The following SPATA16 variants were observed in gnomAD, a reference collection of about 807,000 sequenced individuals.
SPATA16 encodes spermatogenesis associated 16, also known as spermatogenesis-associated protein 16.
Under a neutral mutation model 63.3 loss-of-function variants are expected in SPATA16, and 36 were observed. That is an observed-to-expected ratio of 0.57 (90% CI 0.44 to 0.75). SPATA16 has a LOEUF of 0.75. Ranked by LOEUF, SPATA16 falls within the 30% of genes least tolerant of loss-of-function variation. SPATA16 has a pLI of 0.00. For synonymous variants in SPATA16, 203 were observed against 216.7 expected (o/e 0.94, Z 0.56); for missense variants, 646 against 679.3 (o/e 0.95, Z 0.54).
chr3:173,085,412 A>C (rs59480691), intron 2 of SPATA16, among the ~76,000 whole-genome samples: 21,532 of 152,030 alleles, frequency 0.14, 1,548 homozygotes, highest in East Asian at 0.25. Flanking sequence ...GAATTTTTGG[A>C]TTGAGATGAT....
intron 8 of SPATA16, among the ~76,000 whole-genome samples, chr3:172,917,040 G>T (rs977848321): frequency 6.6e-6 from 1 of 152,044 alleles, no homozygotes; most frequent in Admixed American, 6.6e-5. Flanking sequence ...TTTTTGACTA[G>T]CTTCCCTCTG....
intron 5 of SPATA16, among the ~76,000 whole-genome samples, chr3:172,974,899 T>C (rs1577114074): frequency 6.6e-6 from 1 of 152,126 alleles, no homozygotes; most frequent in East Asian, 1.9e-4. Context: ...AAATCAGACC[T>C]GACTTCTAGA....
intron 2 of SPATA16, among the ~76,000 whole-genome samples, chr3:173,115,970 G>T (rs960731270): frequency 2.0e-5 from 3 of 150,972 alleles, no homozygotes; most frequent in Admixed American, 6.6e-5. Context: ...ATAGCACACT[G>T]CACTCTCGAC....
chr3:172,962,703 A>G (rs982945832), intron 5 of SPATA16, among the ~76,000 whole-genome samples: 11 of 151,990 alleles, frequency 7.2e-5, no homozygotes, highest in African/African-American at 2.7e-4. Context: ...TTATTGTTTT[A>G]TTTTCAGAGT....
intron 10 of SPATA16, among the ~76,000 whole-genome samples, chr3:172,897,919 G>T (rs1732041812): frequency 6.6e-6 from 1 of 151,902 alleles, no homozygotes; most frequent in African/African-American, 2.4e-5. Context: ...ACAATTTGAG[G>T]AGGTTCCTCT....
chr3:172,915,432 G>A (rs562628756), intron 9 of SPATA16, among the ~76,000 whole-genome samples: 9 of 152,168 alleles, frequency 5.9e-5, no homozygotes, highest in African/African-American at 2.2e-4. Flanking sequence ...GAAAATTACA[G>A]GTAATCAGTT....
chr3:172,914,172 G>A (rs1010208297), intron 9 of SPATA16, among the ~76,000 whole-genome samples: 4 of 152,200 alleles, frequency 2.6e-5, no homozygotes, highest in African/African-American at 9.6e-5. Flanking sequence ...CAATTATGCT[G>A]TTTTATTGCC....
intron 4 of SPATA16, among the ~76,000 whole-genome samples, chr3:173,018,677 A>G (rs972285979): frequency 1.3e-5 from 2 of 152,182 alleles, no homozygotes; most frequent in African/African-American, 2.4e-5. Context: ...TAGGCACCCC[A>G]TCTCGATTCC....
At chr3:173,118,508 A>C (rs1041268781) in intron 1 of SPATA16, among the ~76,000 whole-genome samples, 1 of 152,176 alleles carries the variant, frequency 6.6e-6, no homozygotes, top group East Asian at 1.9e-4. Flanking sequence ...TCTGCATGCT[A>C]TGTGCTTCTA....
At chr3:173,023,905 T>TTA (rs1170931245) in intron 3 of SPATA16, among the ~76,000 whole-genome samples, 3 of 150,804 alleles carry the variant, frequency 2.0e-5, no homozygotes, top group Non-Finnish European at 4.4e-5. Context: ...AGCTTAAGAA[T>TTA]TATATAAAAT....
At chr3:172,904,508 G>A (rs1383933938) in intron 10 of SPATA16, among the ~76,000 whole-genome samples, 1 of 152,166 alleles carries the variant, frequency 6.6e-6, no homozygotes, top group Admixed American at 6.5e-5. Flanking sequence ...TTCTGCTGCA[G>A]AGGTTTCCTG....
intron 5 of SPATA16, among the ~76,000 whole-genome samples, chr3:172,961,194 T>C (rs1733777723): frequency 6.6e-6 from 1 of 151,840 alleles, no homozygotes; most frequent in Non-Finnish European, 1.5e-5. Flanking sequence ...GAAAGTGGTT[T>C]ACTAAGAATC....
intron 4 of SPATA16, among the ~76,000 whole-genome samples, chr3:173,018,040 T>A (rs772934308): frequency 2.0e-5 from 3 of 152,110 alleles, no homozygotes; most frequent in Admixed American, 6.5e-5. Flanking sequence ...ATAAAACACA[T>A]TGCAGAAATA....
At chr3:172,983,211 A>G (rs986918817) in intron 4 of SPATA16, among the ~76,000 whole-genome samples, 1 of 152,104 alleles carries the variant, frequency 6.6e-6, no homozygotes, top group African/African-American at 2.4e-5. Context: ...ATGCAACCCA[A>G]CTACACCGTA....
At chr3:172,920,333 T>C (rs1036379488) in intron 8 of SPATA16, among the ~76,000 whole-genome samples, 3 of 152,180 alleles carry the variant, frequency 2.0e-5, no homozygotes, top group African/African-American at 7.2e-5. Context: ...AGTTCCAAAG[T>C]AGAAATTTCT....
intron 6 of SPATA16, among the ~76,000 whole-genome samples, chr3:172,955,366 G>A (rs1465250498): frequency 6.6e-6 from 1 of 152,060 alleles, no homozygotes; most frequent in Non-Finnish European, 1.5e-5. Flanking sequence ...ACTTTTATGT[G>A]CTGCTAGCAT....
At chr3:173,130,358 CAAAA>C (rs1202660573) in intron 1 of SPATA16, among the ~76,000 whole-genome samples, 2,280 of 39,578 alleles carry the variant, frequency 0.058, 29 homozygotes, top group African/African-American at 0.15. Flanking sequence ...GACTTCGTCT[CAAAA>C]AAAAAAAAAA....
chr3:173,023,137 A>ATGTGTT (rs1553794209), intron 3 of SPATA16, among the ~76,000 whole-genome samples: 17,819 of 139,888 alleles, frequency 0.13, 1,099 homozygotes, highest in Admixed American at 0.14. Context: ...ATGCTTGTGT[A>ATGTGTT]TGTGTGTGTG....
chr3:173,078,504 A>G (rs1197709185), intron 2 of SPATA16, among the ~76,000 whole-genome samples: 1 of 152,206 alleles, frequency 6.6e-6, no homozygotes, highest in Non-Finnish European at 1.5e-5. Flanking sequence ...AACTGAATTG[A>G]TTGAACATGC....
Sources: gnomAD v4.1 joint callset for allele counts (sites outside exome capture counted in the v4.1 genomes callset) on GRCh38, gnomAD v4.1.1 for gene constraint, MANE v1.5 for transcripts, NCBI Gene and HGNC (gene_info 2026-07-23, HGNC 2026-07-21) for gene names.